Variants in ZFAND3 observed in about 807,000 individuals in gnomAD.
ZFAND3 encodes AN1-type zinc finger protein 3.
ZFAND3 carries 10 observed loss-of-function variants against 29.6 expected under a neutral mutation model. The ratio of observed to expected loss-of-function variants is 0.34; its 90% confidence interval spans 0.21 to 0.57. ZFAND3 has a LOEUF of 0.57. Among genes scored for constraint, ZFAND3 ranks in the 20% least tolerant of loss-of-function variants. ZFAND3 has a pLI of 0.86. For missense variants in ZFAND3, 230 were observed against 304.5 expected (o/e 0.76, Z 1.82); for synonymous variants, 128 against 112.6 (o/e 1.14, Z -0.87).
chr6:38,009,055 A>G (rs917577408), intron 2 of ZFAND3, among the ~76,000 whole-genome samples: 2 of 152,202 alleles, frequency 1.3e-5, no homozygotes, highest in African/African-American at 4.8e-5. Context: ...CTGTGTTATC[A>G]GTAATAAGCA....
chr6:38,144,535 G>A (rs1175689079), intron 5 of ZFAND3, among the ~76,000 whole-genome samples: 1 of 152,200 alleles, frequency 6.6e-6, no homozygotes, highest in Non-Finnish European at 1.5e-5. Flanking sequence ...GTGAGCAGGT[G>A]CCTCTGCGCA....
intron 5 of ZFAND3, among the ~76,000 whole-genome samples, chr6:38,131,582 G>T (rs752681738): frequency 6.6e-6 from 1 of 152,162 alleles, no homozygotes; most frequent in Non-Finnish European, 1.5e-5. Flanking sequence ...TTTCATATTG[G>T]TTCCAGTCAC....
intron 2 of ZFAND3, among the ~76,000 whole-genome samples, chr6:37,957,744 A>T (rs1762109027): frequency 6.6e-6 from 1 of 152,150 alleles, no homozygotes; most frequent in African/African-American, 2.4e-5. Context: ...AGGACACATG[A>T]TCTACTCTAG....
intron 1 of ZFAND3, among the ~76,000 whole-genome samples, chr6:37,846,796 C>G (rs1764187910): frequency 6.6e-6 from 1 of 151,330 alleles, no homozygotes; most frequent in South Asian, 2.1e-4. Context: ...ACTGCAACCT[C>G]CGCCGCCCAG....
At chr6:38,046,225 TC>T (rs1375043777) in intron 2 of ZFAND3, among the ~76,000 whole-genome samples, 4 of 152,194 alleles carry the variant, frequency 2.6e-5, no homozygotes, top group Non-Finnish European at 5.9e-5. Context: ...CTATAAGACT[TC>T]CTATTGAGCT....
chr6:37,830,641 A>G (rs1763843380), intron 1 of ZFAND3, among the ~76,000 whole-genome samples: 1 of 152,198 alleles, frequency 6.6e-6, no homozygotes, highest in Non-Finnish European at 1.5e-5. Context: ...AAAATGCTTC[A>G]TGGTTTCTCT....
At chr6:37,830,399 G>T (rs1322798369) in intron 1 of ZFAND3, among the ~76,000 whole-genome samples, 1 of 152,228 alleles carries the variant, frequency 6.6e-6, no homozygotes, top group Non-Finnish European at 1.5e-5. Flanking sequence ...ATGTGAAAAG[G>T]TGGTGGTTAG....
intron 2 of ZFAND3, among the ~76,000 whole-genome samples, chr6:37,947,000 G>A (rs899506585): frequency 1.3e-5 from 2 of 152,158 alleles, no homozygotes; most frequent in African/African-American, 2.4e-5. Flanking sequence ...GCACAACAAC[G>A]TGAATGTACT....
intron 2 of ZFAND3, among the ~76,000 whole-genome samples, chr6:37,974,400 C>CTTT (rs1438217995): frequency 7.0e-5 from 7 of 99,788 alleles, no homozygotes; most frequent in Admixed American, 1.2e-4. Flanking sequence ...CTCTCTCTCT[C>CTTT]TCTTTTTTTT....
intron 2 of ZFAND3, among the ~76,000 whole-genome samples, chr6:38,006,323 T>C (rs1763047670): frequency 6.6e-6 from 1 of 152,206 alleles, no homozygotes; most frequent in African/African-American, 2.4e-5. Flanking sequence ...GAATTTGGGA[T>C]AGTGAGAAAT....
At chr6:37,860,071 G>C (rs1467589563) in intron 1 of ZFAND3, among the ~76,000 whole-genome samples, 1 of 145,544 alleles carries the variant, frequency 6.9e-6, no homozygotes, top group African/African-American at 2.5e-5. Flanking sequence ...TTTAGTAGAC[G>C]TGGGGTTTCA....
chr6:38,013,153 G>A (rs147008488), intron 2 of ZFAND3, among the ~76,000 whole-genome samples: 6 of 152,250 alleles, frequency 3.9e-5, no homozygotes, highest in Non-Finnish European at 8.8e-5. Context: ...CCTAATACAC[G>A]AATTTGAGTT....
intron 3 of ZFAND3, among the ~76,000 whole-genome samples, chr6:38,068,156 A>G (rs1051835379): frequency 6.6e-6 from 1 of 152,162 alleles, no homozygotes; most frequent in Non-Finnish European, 1.5e-5. Flanking sequence ...CTTACATAAA[A>G]CTATAGTTTA....
chr6:37,873,110 C>A (rs114870293), intron 1 of ZFAND3, among the ~76,000 whole-genome samples: 23,689 of 135,758 alleles, frequency 0.17, 2,932 homozygotes, highest in African/African-American at 0.35. Flanking sequence ...ACAAAAAAAA[C>A]CCCCCAAAAA....
intron 2 of ZFAND3, among the ~76,000 whole-genome samples, chr6:37,933,712 C>G (rs933647914): frequency 6.6e-6 from 1 of 152,242 alleles, no homozygotes; most frequent in African/African-American, 2.4e-5. Context: ...TTGCTAAAGA[C>G]TCGAAGCTCA....
At chr6:38,002,872 G>A (rs189637381) in intron 2 of ZFAND3, 2 of 152,194 alleles carry the variant, frequency 1.3e-5, no homozygotes, top group East Asian at 3.9e-4. Flanking sequence ...CTTCATCTGG[G>A]CCTTCCCTAT....
At chr6:37,958,700 A>G (rs1762144187) in intron 2 of ZFAND3, among the ~76,000 whole-genome samples, 1 of 151,978 alleles carries the variant, frequency 6.6e-6, no homozygotes, top group Non-Finnish European at 1.5e-5. Flanking sequence ...CACACTTAAG[A>G]CTTCTAAAAA....
chr6:38,007,611 A>G (rs1763073636), intron 2 of ZFAND3, among the ~76,000 whole-genome samples: 1 of 152,214 alleles, frequency 6.6e-6, no homozygotes, highest in Non-Finnish European at 1.5e-5. Flanking sequence ...AGTAGTTATA[A>G]TTAACTTGAA....
intron 1 of ZFAND3, among the ~76,000 whole-genome samples, chr6:37,874,592 C>G (rs1764759390): frequency 6.6e-6 from 1 of 151,410 alleles, no homozygotes; most frequent in African/African-American, 2.4e-5. Flanking sequence ...CCCTAATGAT[C>G]TCATTTTAAC....
Sources: gnomAD v4.1 joint callset for allele counts (sites outside exome capture counted in the v4.1 genomes callset) on GRCh38, gnomAD v4.1.1 for gene constraint, MANE v1.5 for transcripts, NCBI Gene and HGNC (gene_info 2026-07-23, HGNC 2026-07-21) for gene names.